Variants in AMMECR1 observed in about 807,000 individuals in gnomAD.
The protein encoded by AMMECR1 is AMMECR nuclear protein 1.
In AMMECR1, 3 loss-of-function variants were observed where a neutral mutation model predicts 22.5. The observed-to-expected ratio is 0.13, with a 90% confidence interval of 0.06 to 0.35. The LOEUF is 0.35. Ranked by LOEUF, AMMECR1 falls within the 10% of genes least tolerant of loss-of-function variation. The pLI is 1.00. For missense variants in AMMECR1, 235 were observed against 278.7 expected, an observed-to-expected ratio of 0.84 and a Z score of 1.12; for synonymous variants, 130 against 116.7, an observed-to-expected ratio of 1.11 and a Z score of -0.74.
At chrX:110,283,887 C>T (rs1253058726) in intron 1 of AMMECR1, among the ~76,000 whole-genome samples, 3 of 111,407 alleles carry the variant, frequency 2.7e-5, no homozygotes, top group Admixed American at 1.9e-4. Flanking sequence ...TTTGGGAGGC[C>T]GAGGAGGGTG....
At chrX:110,218,805 G>A (rs2067486877) in intron 2 of AMMECR1, among the ~76,000 whole-genome samples, 1 of 110,606 alleles carries the variant, frequency 9.0e-6, no homozygotes, top group Admixed American at 9.6e-5. Context: ...ACTGCATATT[G>A]GCACCACTCC....
chrX:110,363,677 T>C (rs1373274805), intron 2 of AMMECR1, among the ~76,000 whole-genome samples: 1 of 111,726 alleles, frequency 9.0e-6, no homozygotes, highest in African/African-American at 3.3e-5. Flanking sequence ...GACACATTTA[T>C]TGACTTTCTG....
chrX:110,199,421 C>T (rs992844874), intron 5 of AMMECR1, among the ~76,000 whole-genome samples: 5 of 110,791 alleles, frequency 4.5e-5, no homozygotes, highest in Non-Finnish European at 9.4e-5. Flanking sequence ...TCTATACTGT[C>T]CCCCCACAGT....
intron 2 of AMMECR1, among the ~76,000 whole-genome samples, chrX:110,365,765 C>T (rs1215970136): frequency 1.8e-5 from 2 of 111,803 alleles, no homozygotes; most frequent in Non-Finnish European, 3.8e-5. Flanking sequence ...TGGGTGTTTT[C>T]TAATAATATA....
intron 2 of AMMECR1, among the ~76,000 whole-genome samples, chrX:110,217,807 G>A (rs2067481470): frequency 9.0e-6 from 1 of 110,972 alleles, no homozygotes; most frequent in African/African-American, 3.3e-5. Flanking sequence ...TCTCACTGCT[G>A]AATTTTCTTT....
chrX:110,398,911 G>A (rs1240327178), intron 2 of AMMECR1, among the ~76,000 whole-genome samples: 1 of 112,253 alleles, frequency 8.9e-6, no homozygotes, highest in African/African-American at 3.2e-5. Flanking sequence ...TCCGTGCTGA[G>A]AATGATTCTA....
chrX:110,425,137 T>C (rs962785879), intron 2 of AMMECR1, among the ~76,000 whole-genome samples: 1 of 111,801 alleles, frequency 8.9e-6, no homozygotes, highest in Non-Finnish European at 1.9e-5. Context: ...CGCCTGAAAA[T>C]TAAAATTAAA....
At chrX:110,220,863 CAA>C (rs772040423) in intron 2 of AMMECR1, among the ~76,000 whole-genome samples, 1 of 110,819 alleles carries the variant, frequency 9.0e-6, no homozygotes, top group Non-Finnish European at 1.9e-5. Flanking sequence ...ATGAAAGAAC[CAA>C]AGAGTTTGTG....
At chrX:110,252,042 T>C (rs2067688733) in intron 2 of AMMECR1, among the ~76,000 whole-genome samples, 1 of 111,968 alleles carries the variant, frequency 8.9e-6, no homozygotes, top group East Asian at 2.8e-4. Context: ...ATTTACTACG[T>C]ACCTAGTATG....
At chrX:110,362,066 C>T (rs2068267448) in intron 2 of AMMECR1, among the ~76,000 whole-genome samples, 1 of 111,821 alleles carries the variant, frequency 8.9e-6, no homozygotes, top group Non-Finnish European at 1.9e-5. Flanking sequence ...AGAATAGTAC[C>T]TGGCATATAG....
intron 3 of AMMECR1, among the ~76,000 whole-genome samples, chrX:110,209,073 T>C (rs2067434669): frequency 1.8e-5 from 2 of 110,825 alleles, no homozygotes; most frequent in African/African-American, 6.6e-5. Flanking sequence ...TGTGACTTAG[T>C]TTACTTTCCA....
chrX:110,339,559 C>T (rs1433392514), intron 2 of AMMECR1, among the ~76,000 whole-genome samples: 3 of 110,807 alleles, frequency 2.7e-5, no homozygotes, highest in Admixed American at 9.6e-5. Flanking sequence ...TGCAACAGCA[C>T]GATCTTGGCT....
At chrX:110,373,740 A>G (rs1237902658) in intron 2 of AMMECR1, among the ~76,000 whole-genome samples, 2 of 112,286 alleles carry the variant, frequency 1.8e-5, no homozygotes, top group African/African-American at 6.5e-5. Flanking sequence ...TTCAAGATGT[A>G]AAAAAGGAAC....
chrX:110,335,797 C>T (rs898796380), intron 2 of AMMECR1, among the ~76,000 whole-genome samples: 3 of 112,026 alleles, frequency 2.7e-5, no homozygotes, highest in Non-Finnish European at 3.8e-5. Context: ...ATACTCTTTG[C>T]GTGCTTAGTA....
At chrX:110,307,132 C>G (rs2067999794) in intron 1 of AMMECR1, 1 of 109,111 alleles carries the variant, frequency 9.2e-6, no homozygotes, top group African/African-American at 3.3e-5. Flanking sequence ...GTAATTCCAG[C>G]TACTTGGGAG....
chrX:110,383,480 T>C (rs921931055), intron 2 of AMMECR1, among the ~76,000 whole-genome samples: 2 of 111,299 alleles, frequency 1.8e-5, no homozygotes, highest in Non-Finnish European at 3.8e-5. Flanking sequence ...AGGTCCTCAC[T>C]TTCTTATTAC....
chrX:110,403,597 G>C (rs892745378), intron 2 of AMMECR1, among the ~76,000 whole-genome samples: 8 of 111,583 alleles, frequency 7.2e-5, no homozygotes, highest in African/African-American at 2.6e-4. Flanking sequence ...TCATTCCCAG[G>C]TCTTGGTGCT....
At chrX:110,328,650 T>C (rs1242095586) in intron 2 of AMMECR1, among the ~76,000 whole-genome samples, 1 of 107,689 alleles carries the variant, frequency 9.3e-6, no homozygotes, top group East Asian at 2.9e-4. Flanking sequence ...CAGTGTGTGA[T>C]GTTCCCCTCC....
chrX:110,230,485 A>T (rs182319581), intron 2 of AMMECR1, among the ~76,000 whole-genome samples: 1,303 of 112,209 alleles, frequency 0.012, 11 homozygotes, highest in Admixed American at 0.056. Flanking sequence ...TAGCATCAAC[A>T]TCAGCAAAAA....
Sources: gnomAD v4.1 joint callset for allele counts (sites outside exome capture counted in the v4.1 genomes callset) on GRCh38, gnomAD v4.1.1 for gene constraint, MANE v1.5 for transcripts, NCBI Gene and HGNC (gene_info 2026-07-23, HGNC 2026-07-21) for gene names.